Variants in RASGRF2 observed in about 807,000 individuals in gnomAD.
RASGRF2 encodes the protein ras-specific guanine nucleotide-releasing factor 2.
Under a neutral mutation model 151.0 loss-of-function variants are expected in RASGRF2, and 76 were observed. That is an observed-to-expected ratio of 0.50 (90% CI 0.42 to 0.61). The LOEUF (loss-of-function observed/expected upper bound fraction) is 0.61, where lower values mean the gene tolerates loss of function less well. Among genes scored for constraint, RASGRF2 ranks in the 20% least tolerant of loss-of-function variants. The probability of loss-of-function intolerance (pLI) is 0.00; values close to 1 mark genes in which losing one functional copy is unlikely to be tolerated. For synonymous variants in RASGRF2, 504 were observed against 566.5 expected (o/e 0.89, Z 1.57); for missense variants, 1,148 against 1,564.6 (o/e 0.73, Z 4.49).
chr5:81,094,182 T>C, intron 10 of RASGRF2, 114 bp from the exon 11 acceptor site: 1 of 755,872 alleles, frequency 1.3e-6, no homozygotes, highest in Non-Finnish European at 2.1e-6. Flanking sequence ...TTATTTATGA[T>C]GCAGAATTGC....
intron 18 of RASGRF2, among the ~76,000 whole-genome samples, chr5:81,195,222 G>A (rs1755238116): frequency 6.6e-6 from 1 of 152,176 alleles, no homozygotes; most frequent in Non-Finnish European, 1.5e-5. Context: ...TGCTGACCCG[G>A]GAGCGCCATC....
At chr5:81,065,637 G>T (rs1751578731) in intron 2 of RASGRF2, among the ~76,000 whole-genome samples, 2 of 152,126 alleles carry the variant, frequency 1.3e-5, no homozygotes, top group African/African-American at 4.8e-5. Flanking sequence ...AATTGCCCTT[G>T]CCTACGCTCT....
chr5:81,106,211 CTTGT>C (rs1752841661), intron 12 of RASGRF2, among the ~76,000 whole-genome samples: 1 of 152,002 alleles, frequency 6.6e-6, no homozygotes, highest in South Asian at 2.1e-4. Flanking sequence ...TTGATTTTAC[CTTGT>C]TTTTTTCTCT....
chr5:81,137,506 C>A (rs1244572070), intron 17 of RASGRF2, among the ~76,000 whole-genome samples: 1 of 152,172 alleles, frequency 6.6e-6, no homozygotes, highest in Non-Finnish European at 1.5e-5. Context: ...ATGGGCTGCA[C>A]TGTGTCCCCA....
At chr5:81,185,402 C>T (rs1471408421) in intron 18 of RASGRF2, among the ~76,000 whole-genome samples, 1 of 152,240 alleles carries the variant, frequency 6.6e-6, no homozygotes, top group Admixed American at 6.5e-5. Context: ...CTGGATGGCC[C>T]TGCATCCTGC....
At chr5:81,062,809 A>G (rs749558313) in intron 2 of RASGRF2, among the ~76,000 whole-genome samples, 1 of 151,772 alleles carries the variant, frequency 6.6e-6, no homozygotes, top group Non-Finnish European at 1.5e-5. Context: ...ATGTCATTTT[A>G]TTGTCTTTGA....
At chr5:81,207,551 C>A (rs567606431) in intron 21 of RASGRF2, among the ~76,000 whole-genome samples, 1 of 152,310 alleles carries the variant, frequency 6.6e-6, no homozygotes, top group East Asian at 1.9e-4. Context: ...CAGCAAGGGA[C>A]AAAGAACCCT....
At chr5:81,154,240 C>T (rs1754205204) in intron 17 of RASGRF2, among the ~76,000 whole-genome samples, 1 of 152,146 alleles carries the variant, frequency 6.6e-6, no homozygotes, top group Non-Finnish European at 1.5e-5. Context: ...AATACTCCAT[C>T]TGATGAAAGT....
intron 19 of RASGRF2, among the ~76,000 whole-genome samples, chr5:81,206,501 T>C (rs980665754): frequency 2.6e-5 from 4 of 152,218 alleles, no homozygotes; most frequent in African/African-American, 9.6e-5. Context: ...TCCAACTGGC[T>C]GATAGCATTA....
At chr5:80,991,683 T>C (rs1748656020) in intron 1 of RASGRF2, among the ~76,000 whole-genome samples, 1 of 152,238 alleles carries the variant, frequency 6.6e-6, no homozygotes, top group Admixed American at 6.5e-5. Context: ...AAAAACCTTC[T>C]GAACTATTGA....
At chr5:80,978,585 G>A (rs183661760) in intron 1 of RASGRF2, among the ~76,000 whole-genome samples, 40 of 152,160 alleles carry the variant, frequency 2.6e-4, no homozygotes, top group African/African-American at 9.7e-4. Flanking sequence ...TCAGGTGTTC[G>A]TGACCAGCCT....
Position 81,212,438 on chromosome 5 carries a change from T to G in RASGRF2, c.3229T>G (p.Trp1077Gly). ...VSSRANAIEK[W>G]VAVADICRCL... is the part of the protein sequence containing the mutation. ...CTCCCGTGCCAACGCCATCGAGAAA[T>G]GGGTGGCAGTGGCGGACATCTGCCG... is the stretch of plus-strand genomic sequence containing the variant. Residue 1077 changes from tryptophan (W) to glycine (G), a missense_variant, in exon 23 of 27, where the codon TGG becomes GGG. Physicochemically the swap from Trp to Gly is radical, Grantham distance 184. This residue lies in a region of RASGRF2 where 646 missense variants were observed against 807.4 expected (regional missense o/e 0.80). Transcript: ENST00000265080. 1 of 1,612,974 alleles carries G rather than the reference T, an allele frequency of 6.2e-7. No individual in the cohort carries two copies.
chr5:81,208,578 G>A (rs1755564776), intron 22 of RASGRF2, 140 bp downstream of exon 22: 1 of 520,446 alleles, frequency 1.9e-6, no homozygotes. Context: ...TTGAGACAGA[G>A]TCTCGCTCTG....
At chr5:81,121,541 C>A (rs61371420) in intron 15 of RASGRF2, among the ~76,000 whole-genome samples, 1 of 152,134 alleles carries the variant, frequency 6.6e-6, no homozygotes, top group South Asian at 2.1e-4. Context: ...GAGAAAGAAG[C>A]GAAATAGGAA....
At chr5:81,119,707 A>T (rs1388229107) in intron 15 of RASGRF2, among the ~76,000 whole-genome samples, 1 of 152,236 alleles carries the variant, frequency 6.6e-6, no homozygotes, top group Non-Finnish European at 1.5e-5. Context: ...CTGATCATTC[A>T]TGGCCTGGGG....
chr5:81,036,799 A>G (rs1750513982), intron 1 of RASGRF2, among the ~76,000 whole-genome samples: 1 of 152,140 alleles, frequency 6.6e-6, no homozygotes, highest in African/African-American at 2.4e-5. Flanking sequence ...CTGTGTTGGA[A>G]CCATAGTTTC....
At chr5:81,140,417 C>A (rs1009518690) in intron 17 of RASGRF2, among the ~76,000 whole-genome samples, 2 of 151,404 alleles carry the variant, frequency 1.3e-5, no homozygotes, top group Non-Finnish European at 2.9e-5. Context: ...TTTAAACACA[C>A]ACACACACAC....
Position 81,080,636 on chromosome 5 carries a change from T to C in RASGRF2, c.1008T>C (p.Tyr336=). The C allele has an allele frequency of 6.2e-7, 1 of 1,614,186 alleles. No individual in the cohort carries two copies. The highest frequency in any genetic ancestry group is 2.2e-5 in the East Asian group (1 of 44,892). Residue 336 remains tyrosine, a synonymous_variant, in exon 7 of 27, where the codon TAT becomes TAC. Transcript: ENST00000265080. ...FDILLPMLNI[Y]QEFVRNHQYS... ...TTTTGCTCCCCATGCTGAACATTTA[T>C]CAAGAATTTGTGCGTAATCACCAGT...
chr5:81,076,396 G>T (rs1283226109), intron 5 of RASGRF2, among the ~76,000 whole-genome samples: 1 of 152,266 alleles, frequency 6.6e-6, no homozygotes, highest in Non-Finnish European at 1.5e-5. Context: ...TGGGAGCATG[G>T]CAGGGAAGGA....
Sources: allele counts gnomAD v4.1 joint callset (sites outside exome capture counted in the v4.1 genomes callset), GRCh38; gene constraint gnomAD v4.1.1; regional missense constraint gnomAD v4.1.1; transcripts MANE v1.5; gene names NCBI Gene and HGNC (gene_info 2026-07-23, HGNC 2026-07-21).